Variants in SCN7A observed in about 807,000 individuals in gnomAD.
SCN7A encodes the protein sodium channel protein type 7 subunit alpha.
A neutral mutation model predicts 155.2 loss-of-function variants in SCN7A; 138 were observed. That is an observed-to-expected ratio of 0.89 (90% CI 0.77 to 1.02). SCN7A has a LOEUF of 1.02. SCN7A is among the 50% of genes least tolerant of loss of function. The pLI, the probability that SCN7A is intolerant of heterozygous loss-of-function variation, is 0.00. For missense variants in SCN7A, 2,058 were observed against 1,986.6 expected, an observed-to-expected ratio of 1.04 and a Z score of -0.68; for synonymous variants, 693 against 649.0, an observed-to-expected ratio of 1.07 and a Z score of -1.03.
At chr2:166,465,660 GC>G in intron 8 of SCN7A, 120 bp downstream of exon 8, 1 of 1,272,482 alleles carries the variant, frequency 7.9e-7, no homozygotes, top group Non-Finnish European at 1.1e-6. Context: ...AAATATCCTT[GC>G]CTTTCAACCA....
At chr2:166,415,719 G>A (rs184885447) in intron 21 of SCN7A, among the ~76,000 whole-genome samples, 14 of 152,082 alleles carry the variant, frequency 9.2e-5, no homozygotes, top group South Asian at 2.1e-4. Context: ...TGTTATCTTC[G>A]TAAGCTGAGG....
chr2:166,421,160 T>G, intron 20 of SCN7A, 30 bp downstream of exon 20: 1 of 1,381,404 alleles, frequency 7.2e-7, no homozygotes, highest in Non-Finnish European at 9.8e-7. Context: ...AATAAAAATT[T>G]GTAGATTAGC....
At chr2:166,448,480 A>T (rs575007666) in intron 11 of SCN7A, among the ~76,000 whole-genome samples, 5 of 152,198 alleles carry the variant, frequency 3.3e-5, no homozygotes, top group African/African-American at 1.2e-4. Flanking sequence ...CTGCAGTGGG[A>T]TCCCTGGATG....
rs1702031358 is a variant in SCN7A, at chr2:166,444,955, A to C, written c.1433T>G (p.Phe478Cys). The change falls in exon 13 of 26, where the codon TTT becomes TGT. Residue 478 changes from phenylalanine (F) to cysteine (C), a missense_variant. Coordinates refer to ENST00000643258, the MANE Select transcript of SCN7A (RefSeq NM_002976.4). Reference sequence around the variant, plus strand: ...ATTCCAGATCAAGAAAGTTTTAGCAAACTTATACCAGTATAATGGGCATAT... The same window carrying C: ...ATTCCAGATCAAGAAAGTTTTAGCACACTTATACCAGTATAATGGGCATAT... ...KKICPLYWYK[F>C]AKTFLIWNCS... 3.1e-6 allele frequency: 5 copies of C among 1,613,266 alleles called. No homozygotes were observed. In the East Asian group the frequency reaches 1.1e-4, roughly 36 times the overall value.
rs544390942 is a variant in SCN7A at position 166,490,547 on chromosome 2, A to C, written c.-128+3421T>G. 1.5e-4 allele frequency among the ~76,000 whole-genome samples: 23 copies of C among 152,296 alleles called. 2 individuals carry two copies. The South Asian group carries it at 4.4e-3, about 29-fold the overall frequency. ...AAACCTAAGTATCCATCAACATATGAATAGATAAAGAAAATGTGGTATATA... is the reference window on the plus strand; with the variant it reads ...AAACCTAAGTATCCATCAACATATGCATAGATAAAGAAAATGTGGTATATA... On this transcript the variant is annotated intron_variant, in intron 1 of 25. Coordinates refer to ENST00000643258, the MANE Select transcript of SCN7A (RefSeq NM_002976.4).
chr2:166,486,175 G>T (rs1391125598), intron 2 of SCN7A, among the ~76,000 whole-genome samples: 1 of 152,162 alleles, frequency 6.6e-6, no homozygotes, highest in Non-Finnish European at 1.5e-5. Context: ...ACCTCCTTGA[G>T]TATCCTCTTA....
chr2:166,413,926 T>C (rs892429658), intron 21 of SCN7A, among the ~76,000 whole-genome samples: 8 of 133,768 alleles, frequency 6.0e-5, no homozygotes, highest in Non-Finnish European at 1.5e-5. Flanking sequence ...CCTGTGATCA[T>C]TGATCATGTA....
At chr2:166,432,166 G>C (rs1489653509) in intron 16 of SCN7A, among the ~76,000 whole-genome samples, 152 bp downstream of exon 16, 3 of 152,020 alleles carry the variant, frequency 2.0e-5, no homozygotes, top group African/African-American at 7.2e-5. Flanking sequence ...TTGATCAAAA[G>C]CATAAAGTCA....
intron 15 of SCN7A, among the ~76,000 whole-genome samples, chr2:166,436,026 T>C (rs529857702): frequency 1.1e-4 from 16 of 152,342 alleles, no homozygotes; most frequent in Non-Finnish European, 2.1e-4. Context: ...GAATTACTTA[T>C]AGGGTGCTAA....
At chr2:166,417,016 T>C (rs773849668) in intron 20 of SCN7A, 31 bp from the exon 21 acceptor site, 2 of 1,481,958 alleles carry the variant, frequency 1.3e-6, no homozygotes, top group East Asian at 2.4e-5. Context: ...AAACTTTAGA[T>C]AGGAAATCTG....
chr2:166,463,932 T>C (rs1702467647), intron 9 of SCN7A, among the ~76,000 whole-genome samples: 1 of 152,062 alleles, frequency 6.6e-6, no homozygotes, highest in Non-Finnish European at 1.5e-5. Context: ...GGCACATGCC[T>C]GTAATCCCAG....
In SCN7A at chr2:166,427,911, G is replaced by C; in HGVS notation, c.2730C>G (p.Ile910Met). The C allele has an allele frequency of 6.2e-7, 1 of 1,612,818 alleles. No individual in the cohort carries two copies. The highest frequency in any genetic ancestry group is 1.1e-5 in the South Asian group (1 of 91,034). ...TTTTTCCTTTCTTGGATGCTCCACT[G>C]ATTTGACCAAGTGAAGATCCGCGTC... ...GCRRGSSLGQ[I>M]SGASKKGKIW... The change falls in exon 18 of 26, where the codon ATC becomes ATG. Residue 910 changes from isoleucine (I) to methionine (M), a missense_variant. Transcript: ENST00000643258.
At chr2:166,428,018 G>A in intron 17 of SCN7A, 76 bp from the exon 18 acceptor site, 1 of 1,342,086 alleles carries the variant, frequency 7.5e-7, no homozygotes, top group Non-Finnish European at 1.0e-6. Flanking sequence ...TTTCTACTAT[G>A]TGCCACAGCA....
Position 166,441,461 on chromosome 2 carries a change from C to A in SCN7A, c.2092G>T (p.Glu698Ter). 6.2e-7 allele frequency: 1 copy of A among 1,613,898 alleles called. No homozygotes were observed. The highest frequency in any genetic ancestry group is 8.5e-7 in the Non-Finnish European group (1 of 1,179,902). The change falls in exon 15 of 26, where the codon GAG becomes TAG. Residue 698 changes from glutamate (E) to a stop codon, truncating the protein, a stop_gained. Coordinates refer to ENST00000643258, the MANE Select transcript of SCN7A (RefSeq NM_002976.4). LOFTEE classifies it high-confidence loss of function. ...ATACACCAGGATTGGCCTGCAACCT[C>A]CATACAGTCCCACAAGGTCTCTACC... Reference protein sequence around the residue: ...EWVETLWDCMEVAGQSWCIPF... With the variant: ...EWVETLWDCM
intron 6 of SCN7A, among the ~76,000 whole-genome samples, chr2:166,471,514 T>C (rs1025393995): frequency 4.6e-5 from 7 of 151,856 alleles, no homozygotes; most frequent in Non-Finnish European, 8.8e-5. Flanking sequence ...GTTAGATTGC[T>C]TACAACATAG....
At chr2:166,458,906 T>C (rs1702343225) in intron 10 of SCN7A, among the ~76,000 whole-genome samples, 1 of 152,198 alleles carries the variant, frequency 6.6e-6, no homozygotes, top group South Asian at 2.1e-4. Flanking sequence ...TGTATTTACA[T>C]AGCATTTACA....
chr2:166,490,742 T>C (rs1311515766), intron 1 of SCN7A, among the ~76,000 whole-genome samples: 2 of 152,180 alleles, frequency 1.3e-5, no homozygotes, highest in African/African-American at 4.8e-5. Context: ...ACTGGCTATT[T>C]ACCTCTGCTT....
intron 15 of SCN7A, among the ~76,000 whole-genome samples, chr2:166,439,036 CATATATG>C (rs1559104012): frequency 3.4e-5 from 3 of 87,458 alleles, no homozygotes; most frequent in African/African-American, 1.6e-4. Context: ...CACACACATA[CATATATG>C]TGTGTGTGTG....
At chr2:166,422,714 T>C (rs1392720214) in intron 19 of SCN7A, among the ~76,000 whole-genome samples, 1 of 152,146 alleles carries the variant, frequency 6.6e-6, no homozygotes, top group African/African-American at 2.4e-5. Context: ...TTACCCTGAA[T>C]GAGATGGGTG....
Sources: gnomAD v4.1 joint callset for allele counts (sites outside exome capture counted in the v4.1 genomes callset) on GRCh38, gnomAD v4.1.1 for gene constraint, MANE v1.5 for transcripts, NCBI Gene and HGNC (gene_info 2026-07-23, HGNC 2026-07-21) for gene names.